Variants in CDH13 observed in about 807,000 individuals in gnomAD.
CDH13 encodes cadherin-13.
In CDH13, 24 loss-of-function variants were observed where a neutral mutation model predicts 63.8. The observed-to-expected ratio is 0.38, with a 90% CI of 0.27 to 0.53. The LOEUF (loss-of-function observed/expected upper bound fraction) is 0.53. CDH13 is among the 20% of genes least tolerant of loss of function. CDH13 has a pLI of 0.85. For missense variants in CDH13, 1,049 were observed against 903.1 expected (o/e 1.16, Z -2.07); for synonymous variants, 503 against 355.3 (o/e 1.42, Z -4.67).
intron 2 of CDH13, among the ~76,000 whole-genome samples, chr16:82,979,109 G>A (rs1406269671): frequency 1.3e-5 from 2 of 152,174 alleles, no homozygotes; most frequent in East Asian, 1.9e-4. Flanking sequence ...GACTTGCATG[G>A]GGCCTGTAGC....
intron 1 of CDH13, among the ~76,000 whole-genome samples, chr16:82,661,522 G>A (rs972266955): frequency 2.0e-5 from 3 of 152,190 alleles, no homozygotes; most frequent in Admixed American, 2.0e-4. Flanking sequence ...GGGAATTAGC[G>A]CAGGTGTTCC....
chr16:83,392,052 C>T (rs2091797812), intron 6 of CDH13, among the ~76,000 whole-genome samples: 1 of 152,162 alleles, frequency 6.6e-6, no homozygotes, highest in South Asian at 2.1e-4. Flanking sequence ...CACTAAATGC[C>T]AGTAACACCC....
At chr16:83,221,907 A>G (rs1047807664) in intron 5 of CDH13, among the ~76,000 whole-genome samples, 1 of 152,204 alleles carries the variant, frequency 6.6e-6, no homozygotes, top group African/African-American at 2.4e-5. Context: ...GATCCCTGAC[A>G]TACACAGACC....
chr16:83,368,589 C>G (rs12598798), intron 6 of CDH13, among the ~76,000 whole-genome samples: 33,467 of 151,310 alleles, frequency 0.22, 4,211 homozygotes, highest in African/African-American at 0.33. Context: ...GTTCTTTAGC[C>G]GTGATTTCTG....
intron 8 of CDH13, among the ~76,000 whole-genome samples, chr16:83,649,323 T>C (rs143527956): frequency 2.9e-4 from 44 of 152,372 alleles, no homozygotes; most frequent in Middle Eastern, 3.4e-3. Context: ...TGCAAATAAA[T>C]TTACAGTGCT....
At chr16:82,661,747 CG>C (rs1388009162) in intron 1 of CDH13, among the ~76,000 whole-genome samples, 2 of 152,224 alleles carry the variant, frequency 1.3e-5, no homozygotes, top group African/African-American at 4.8e-5. Context: ...GCAGAGAACA[CG>C]GAGTATTGGG....
At chr16:82,752,274 C>T (rs999934818) in intron 1 of CDH13, among the ~76,000 whole-genome samples, 7 of 152,148 alleles carry the variant, frequency 4.6e-5, no homozygotes, top group African/African-American at 7.2e-5. Context: ...TGGATTTCTC[C>T]GGACTGTTAA....
intron 10 of CDH13, among the ~76,000 whole-genome samples, chr16:83,707,144 G>T (rs1018885313): frequency 6.6e-6 from 1 of 152,170 alleles, no homozygotes; most frequent in Non-Finnish European, 1.5e-5. Flanking sequence ...TTCCCAATAT[G>T]CCATGCATGT....
chr16:83,575,341 A>G (rs1905010393), intron 7 of CDH13, among the ~76,000 whole-genome samples: 1 of 152,234 alleles, frequency 6.6e-6, no homozygotes, highest in Non-Finnish European at 1.5e-5. Context: ...TTACAAAAAC[A>G]AAAACAAAAA....
chr16:83,623,589 G>A (rs904836996), intron 8 of CDH13, among the ~76,000 whole-genome samples: 6 of 152,118 alleles, frequency 3.9e-5, no homozygotes, highest in Admixed American at 3.9e-4. Context: ...TCTACAAATA[G>A]GAACAGGTGT....
rs2031879388 is a variant in CDH13 at position 83,064,982 on chromosome 16, C to G, written c.366+32764C>G. Among the ~76,000 whole-genome samples, 4 of 152,142 alleles carry G rather than the reference C, an allele frequency of 2.6e-5. No individual in the cohort carries two copies. In the South Asian group the frequency reaches 8.3e-4, roughly 32 times the overall value. Reference sequence around the variant, plus strand: ...TCTTGTCTATCTGAAACTTTGCACTCTTAGCTAAAAAAAATCTCCCCAGTC... The same window carrying G: ...TCTTGTCTATCTGAAACTTTGCACTGTTAGCTAAAAAAAATCTCCCCAGTC... On this transcript the variant is annotated intron_variant, in intron 3 of 13. Coordinates refer to ENST00000567109, the MANE Select transcript of CDH13 (RefSeq NM_001257.5).
At chr16:83,502,309 G>A (rs2074301071) in intron 7 of CDH13, among the ~76,000 whole-genome samples, 1 of 152,176 alleles carries the variant, frequency 6.6e-6, no homozygotes, top group Non-Finnish European at 1.5e-5. Context: ...ATTTAAAGAT[G>A]CTCTAGTGCT....
intron 8 of CDH13, among the ~76,000 whole-genome samples, chr16:83,614,215 G>A (rs1256591705): frequency 1.3e-5 from 2 of 152,192 alleles, no homozygotes; most frequent in African/African-American, 2.4e-5. Context: ...AGTAGGACAG[G>A]ATGACTTTAA....
intron 2 of CDH13, among the ~76,000 whole-genome samples, chr16:82,976,674 T>C (rs1377418760): frequency 6.6e-6 from 1 of 152,168 alleles, no homozygotes; most frequent in Non-Finnish European, 1.5e-5. Context: ...TAGGTGAGAT[T>C]GGCACTGAGG....
intron 2 of CDH13, among the ~76,000 whole-genome samples, chr16:82,929,157 T>C (rs1446502482): frequency 6.6e-6 from 1 of 152,200 alleles, no homozygotes; most frequent in Non-Finnish European, 1.5e-5. Flanking sequence ...TTCACTAAAG[T>C]ATAGCATATA....
intron 7 of CDH13, among the ~76,000 whole-genome samples, chr16:83,601,941 A>C (rs1231302540): frequency 1.3e-5 from 2 of 151,832 alleles, no homozygotes; most frequent in Non-Finnish European, 2.9e-5. Context: ...AAAAGTACAA[A>C]TATTAGCCAG....
chr16:83,530,606 G>A (rs938847393), intron 7 of CDH13, among the ~76,000 whole-genome samples: 1 of 152,152 alleles, frequency 6.6e-6, no homozygotes, highest in East Asian at 1.9e-4. Context: ...CATCAACCAC[G>A]CACCAACCAT....
At chr16:83,546,071 G>A (rs1335059492) in intron 7 of CDH13, among the ~76,000 whole-genome samples, 1 of 152,186 alleles carries the variant, frequency 6.6e-6, no homozygotes, top group African/African-American at 2.4e-5. Flanking sequence ...ATGGAGTGAT[G>A]AGGAAGAGTG....
At chr16:83,455,879 A>G (rs1161410807) in intron 6 of CDH13, among the ~76,000 whole-genome samples, 5 of 152,188 alleles carry the variant, frequency 3.3e-5, no homozygotes, top group Non-Finnish European at 7.3e-5. Context: ...ATTAAATTTC[A>G]TCTCTCGCAG....
Sources: gnomAD v4.1 joint callset for allele counts (sites outside exome capture counted in the v4.1 genomes callset) on GRCh38, gnomAD v4.1.1 for gene constraint, MANE v1.5 for transcripts, NCBI Gene and HGNC (gene_info 2026-07-23, HGNC 2026-07-21) for gene names.